The following GLG1 variants were observed in gnomAD, a reference collection of about 807,000 sequenced individuals.
GLG1 encodes Golgi apparatus protein 1.
A neutral mutation model predicts 160.5 loss-of-function variants in GLG1; 38 were observed. That is an observed-to-expected ratio of 0.24 (90% CI 0.18 to 0.31). The LOEUF (loss-of-function observed/expected upper bound fraction) is 0.31, where lower values mean the gene tolerates loss of function less well. Ranked by LOEUF, GLG1 falls within the 10% of genes least tolerant of loss-of-function variation. The pLI, the probability that GLG1 is intolerant of heterozygous loss-of-function variation, is 1.00. For missense variants in GLG1, 1,373 were observed against 1,505.2 expected, an observed-to-expected ratio of 0.91 and a Z score of 1.45; for synonymous variants, 644 against 543.4, an observed-to-expected ratio of 1.19 and a Z score of -2.57.
At chr16:74,454,318 A>G (rs1318904895) in intron 25 of GLG1, among the ~76,000 whole-genome samples, 14 of 151,484 alleles carry the variant, frequency 9.2e-5, no homozygotes, top group Non-Finnish European at 1.5e-5. Flanking sequence ...GGATCCTCCT[A>G]CCTCAGCCTC....
rs571944610 is a variant in GLG1 at position 74,450,343 on chromosome 16, G to A, written c.*2824C>T. On this transcript the variant is annotated 3_prime_UTR_variant, in exon 26 of 26. Coordinates refer to ENST00000422840, the MANE Select transcript of GLG1 (RefSeq NM_001145667.2). ...AGGAACCAGGGGTGCCCCAGGCCCT[G>A]TTTTGTTTTGCCAAATGAGGGACTT... 2 of 152,294 alleles carry A rather than the reference G, an allele frequency of 1.3e-5. No individual in the cohort carries two copies. Among genetic ancestry groups the A allele is most frequent in the Admixed American group, 1.3e-4 (2 of 15,292 alleles). The allele number at this position is 152,294 out of a possible 1,614,324, so 9.4% of individuals were successfully genotyped here. A position where few individuals can be genotyped will look rare whatever the true frequency, so the allele number is the denominator to read the frequency against.
At position 74,496,705 on chromosome 16, in the gene GLG1, C is replaced by T. The variant is rs1360456588; in HGVS notation, c.775-61G>A. 52 of 765,278 alleles carry T rather than the reference C, an allele frequency of 6.8e-5. No individual in the cohort carries two copies. The East Asian group carries it at 1.4e-3, about 21-fold the overall frequency. The allele number at this position is 765,278 out of a possible 1,614,324, so 47.4% of individuals were successfully genotyped here. ...TATCACATGGGTTTCAAATAAACAA[C>T]ATTTGGCTACACACACACACACACA... On this transcript the variant is annotated intron_variant, in intron 4 of 25. Transcript: ENST00000422840.
rs758272900 is a variant in GLG1, at chr16:74,456,776, TAAG to T, written c.3266-24_3266-22del. 46 of 1,388,898 alleles carry T rather than the reference TAAG, an allele frequency of 3.3e-5. 1 individual carries two copies. In the Admixed American group the frequency reaches 3.7e-4, roughly 11 times the overall value. 86.0% of individuals were successfully genotyped at this position (1,388,898 alleles called of 1,614,324 possible). A position where few individuals can be genotyped will look rare whatever the true frequency, so the allele number is the denominator to read the frequency against. ...CATTTCTGTGGGAGGAAATGAATAA[TAAG>T]AAGAACCTGAAACTGTACAGAATAG... On this transcript the variant is annotated intron_variant, in intron 24 of 25. Transcript: ENST00000422840.
intron 4 of GLG1, among the ~76,000 whole-genome samples, chr16:74,498,448 G>GTATATATATATATTTATATATATA (rs2016282146): frequency 4.2e-5 from 1 of 24,038 alleles, no homozygotes; most frequent in African/African-American, 1.4e-4. Context: ...AAAAAAAAAA[G>GTATATATATATATTTATATATATA]TATATATATA....
chr16:74,519,449 G>A (rs373453124), intron 2 of GLG1, among the ~76,000 whole-genome samples: 6 of 151,426 alleles, frequency 4.0e-5, no homozygotes, highest in South Asian at 2.1e-4. Context: ...AAAACTGTAC[G>A]TTCTGCATAT....
At chr16:74,568,509 C>T (rs1334057203) in intron 1 of GLG1, among the ~76,000 whole-genome samples, 1 of 151,822 alleles carries the variant, frequency 6.6e-6, no homozygotes, top group Non-Finnish European at 1.5e-5. Flanking sequence ...CCTCCGCCTC[C>T]CGGGTTCAAG....
rs928077403 is a variant in GLG1 at position 74,451,148 on chromosome 16, G to C, written c.*2019C>G. The C allele has an allele frequency of 8.5e-5, 13 of 152,420 alleles. No homozygotes were observed. Among genetic ancestry groups the C allele is most frequent in the African/African-American group, 3.1e-4 (13 of 41,434 alleles). 9.4% of individuals were successfully genotyped at this position (152,420 alleles called of 1,614,324 possible). Reference sequence around the variant, plus strand: ...GCCTCAGCGGCCCCCAGCCCCCAGGGGAACCTGCAGAGACTCTCGGGCCGC... The same window carrying C: ...GCCTCAGCGGCCCCCAGCCCCCAGGCGAACCTGCAGAGACTCTCGGGCCGC... On this transcript the variant is annotated 3_prime_UTR_variant, in exon 26 of 26. Transcript: ENST00000422840.
intron 3 of GLG1, among the ~76,000 whole-genome samples, chr16:74,507,914 G>C (rs1314041299): frequency 6.6e-6 from 1 of 152,152 alleles, no homozygotes; most frequent in Non-Finnish European, 1.5e-5. Context: ...GGGAGTTTGA[G>C]ATGTAGAATA....
intron 2 of GLG1, among the ~76,000 whole-genome samples, chr16:74,514,995 C>A (rs2016934905): frequency 6.6e-6 from 1 of 151,964 alleles, no homozygotes; most frequent in Admixed American, 6.6e-5. Flanking sequence ...GGGTTGCAAT[C>A]CTGGTCTCTG....
In GLG1 at chr16:74,496,491, G is replaced by A. The variant is rs1191353427; in HGVS notation, c.928C>T (p.Arg310Trp). 3.1e-6 allele frequency: 5 copies of A among 1,613,728 alleles called. No individual in the cohort carries two copies. Among genetic ancestry groups the A allele is most frequent in the Admixed American group, 1.7e-5 (1 of 59,946 alleles). ...TCTCGGCAAGCAAAATATAAATGCC[G>A]GTCTAAGTGAAAGTCATCCGATGAC... ...ELSSDDFHLD[R>W]HLYFACRDDR... Residue 310 changes from arginine (R) to tryptophan (W), a missense_variant, in exon 5 of 26, where the codon CGG (arginine) becomes TGG (tryptophan). Physicochemically the swap from Arg to Trp is moderately radical, Grantham distance 101 (BLOSUM62 -3). Transcript: ENST00000422840.
chr16:74,474,014 C>T (rs1232887433), intron 13 of GLG1, among the ~76,000 whole-genome samples: 2 of 151,892 alleles, frequency 1.3e-5, no homozygotes, highest in African/African-American at 2.4e-5. Flanking sequence ...AGTACAGTGG[C>T]GCAATCTAGG....
At position 74,467,780 on chromosome 16, in the gene GLG1, G is replaced by A. The variant is rs140610600; in HGVS notation, c.2505C>T (p.Ser835=). Residue 835 remains serine, a synonymous_variant, in exon 18 of 26, where the codon TCC becomes TCT. Transcript: ENST00000422840. ...ACKSDIKNFC[S]AVQYGNAQII... is the part of the protein sequence containing the mutation. The stretch of plus-strand genomic sequence containing the variant: ...CCTGAGCGTTGCCATATTGCACAGC[G>A]GAACAGAAGTTTTTGATGTCACTCT... The A allele has an allele frequency of 2.5e-5, 40 of 1,611,974 alleles. No individual in the cohort carries two copies. The highest frequency in any genetic ancestry group is 6.7e-5 in the East Asian group (3 of 44,886).
chr16:74,509,686 A>G (rs1003195357), intron 2 of GLG1, among the ~76,000 whole-genome samples: 1 of 151,678 alleles, frequency 6.6e-6, no homozygotes, highest in East Asian at 2.0e-4. Flanking sequence ...CGTTTCTACT[A>G]AAAAATACAA....
At chr16:74,559,697 C>G (rs958915690) in intron 1 of GLG1, among the ~76,000 whole-genome samples, 1 of 149,014 alleles carries the variant, frequency 6.7e-6, no homozygotes, top group African/African-American at 2.5e-5. Context: ...ATTACTCATT[C>G]CCACCGAGAT....
chr16:74,467,954 TCTACATAGCAAAGTC>T, intron 17 of GLG1, 106 bp from the exon 18 acceptor site: 2 of 711,808 alleles, frequency 2.8e-6, no homozygotes, highest in Non-Finnish European at 4.8e-6. Flanking sequence ...GACCCTGGCT[TCTACATAGCAAAGTC>T]GCCTTGCAGC....
intron 1 of GLG1, among the ~76,000 whole-genome samples, chr16:74,564,990 A>G (rs1748857820): frequency 6.6e-6 from 1 of 152,206 alleles, no homozygotes; most frequent in African/African-American, 2.4e-5. Context: ...TTGAGATCAA[A>G]TAAGTACATT....
At chr16:74,466,992 CAT>C (rs1431987862) in intron 18 of GLG1, among the ~76,000 whole-genome samples, 1 of 152,160 alleles carries the variant, frequency 6.6e-6, no homozygotes, top group Non-Finnish European at 1.5e-5. Flanking sequence ...TGAAGGAACA[CAT>C]AGATTGTGAG....
chr16:74,466,905 T>C (rs969291893), intron 18 of GLG1, among the ~76,000 whole-genome samples: 2 of 152,118 alleles, frequency 1.3e-5, no homozygotes, highest in Non-Finnish European at 2.9e-5. Flanking sequence ...GATGCTCCAA[T>C]TGCCTAACAC....
At chr16:74,531,498 GT>G (rs890252945) in intron 2 of GLG1, among the ~76,000 whole-genome samples, 2 of 150,524 alleles carry the variant, frequency 1.3e-5, no homozygotes, top group Non-Finnish European at 3.0e-5. Flanking sequence ...TTTGTTTTTT[GT>G]TTTTTTTTAG....
Sources: allele counts gnomAD v4.1 joint callset (sites outside exome capture counted in the v4.1 genomes callset), GRCh38; gene constraint gnomAD v4.1.1; transcripts MANE v1.5; gene names NCBI Gene and HGNC (gene_info 2026-07-23, HGNC 2026-07-21).